The following GRAP2 variants were observed in gnomAD, a reference collection of about 807,000 sequenced individuals.
The protein encoded by GRAP2 is GRB2 related adaptor protein 2.
A neutral mutation model predicts 43.5 loss-of-function variants in GRAP2; 31 were observed. That is an observed-to-expected ratio of 0.71 (90% CI 0.54 to 0.96). The LOEUF (loss-of-function observed/expected upper bound fraction) is 0.96. GRAP2 is among the 40% of genes least tolerant of loss of function. The pLI is 0.00. For missense variants in GRAP2, 371 were observed against 424.4 expected (o/e 0.87, Z 1.11); for synonymous variants, 156 against 164.8 (o/e 0.95, Z 0.41).
At chr22:39,966,813 A>G (rs1319036523) in intron 5 of GRAP2, among the ~76,000 whole-genome samples, 1 of 152,254 alleles carries the variant, frequency 6.6e-6, no homozygotes, top group East Asian at 1.9e-4. Context: ...AGCCAAGTTA[A>G]GAAACCATCT....
rs1465922671 is a variant in GRAP2 at position 39,901,190 on chromosome 22, A to C, written c.-155A>C. The C allele has an allele frequency of 5.6e-6, 4 of 718,542 alleles. No individual in the cohort carries two copies. Among genetic ancestry groups the C allele is most frequent in the Non-Finnish European group, 8.6e-6 (4 of 467,706 alleles). The allele number at this position is 718,542 out of a possible 1,614,324, so 44.5% of individuals were successfully genotyped here. ...CTTGCACCCTCTTTCAGAGTGGTACATGGAAGACAGCACAAAGTGGATCCA... is the reference window on the plus strand; with the variant it reads ...CTTGCACCCTCTTTCAGAGTGGTACCTGGAAGACAGCACAAAGTGGATCCA... On this transcript the variant is annotated 5_prime_UTR_variant, in exon 1 of 8. An upstream start codon of the reference 5' UTR is lost. Coordinates refer to ENST00000344138, the MANE Select transcript of GRAP2 (RefSeq NM_004810.4).
upstream of GRAP2, among the ~76,000 whole-genome samples, chr22:39,896,337 G>A (rs370020587): frequency 6.6e-6 from 1 of 152,052 alleles, no homozygotes; most frequent in Non-Finnish European, 1.5e-5. Flanking sequence ...TTATGGGATC[G>A]GGCTCTGAAT....
intron 2 of GRAP2, among the ~76,000 whole-genome samples, chr22:39,949,765 G>A (rs998160402): frequency 6.6e-6 from 1 of 152,078 alleles, no homozygotes; most frequent in African/African-American, 2.4e-5. Context: ...CAACGTAGAC[G>A]CCCAATAAAT....
chr22:39,930,796 T>C (rs930619661), intron 1 of GRAP2, among the ~76,000 whole-genome samples: 6 of 152,162 alleles, frequency 3.9e-5, no homozygotes, highest in African/African-American at 1.4e-4. Context: ...CAGTCCATGA[T>C]TGAACCAGTT....
At chr22:39,921,496 A>G (rs1373654529) in intron 1 of GRAP2, among the ~76,000 whole-genome samples, 1 of 152,184 alleles carries the variant, frequency 6.6e-6, no homozygotes. Flanking sequence ...TTTGACTTTA[A>G]TCTTTGAAGC....
chr22:39,940,383 G>GTT (rs137987), intron 1 of GRAP2, among the ~76,000 whole-genome samples: 1 of 131,460 alleles, frequency 7.6e-6, no homozygotes. Flanking sequence ...TTTTTTGTTT[G>GTT]TTTTTTTTTT....
At chr22:39,897,668 C>T (rs750860855), upstream of GRAP2, among the ~76,000 whole-genome samples, 30 of 151,954 alleles carry the variant, frequency 2.0e-4, no homozygotes, top group South Asian at 8.3e-4. Flanking sequence ...TACAGGCATG[C>T]GCCACCATGC....
intron 2 of GRAP2, among the ~76,000 whole-genome samples, chr22:39,952,082 A>C (rs914244122): frequency 1.3e-5 from 2 of 148,402 alleles, no homozygotes; most frequent in African/African-American, 5.0e-5. Flanking sequence ...GCTGGAGTGC[A>C]ATGGCGCAAT....
upstream of GRAP2, among the ~76,000 whole-genome samples, chr22:39,897,056 C>T (rs147873059): frequency 2.0e-5 from 3 of 152,302 alleles, no homozygotes; most frequent in Non-Finnish European, 4.4e-5. Context: ...GTAGTGTTAT[C>T]CACTTGCAAA....
chr22:39,901,674 T>G (rs1213927810), intron 1 of GRAP2, among the ~76,000 whole-genome samples: 2 of 152,102 alleles, frequency 1.3e-5, no homozygotes, highest in African/African-American at 4.8e-5. Context: ...TAATCCAAAT[T>G]GGAAGGGATT....
Position 39,968,203 on chromosome 22 carries a change from T to C in GRAP2, c.621T>C (p.Tyr207=), listed in dbSNP as rs772994657. 2.5e-6 allele frequency: 4 copies of C among 1,609,036 alleles called. No individual in the cohort carries two copies. The East Asian group carries it at 8.9e-5, about 36-fold the overall frequency. The change falls in exon 6 of 8, where the codon TAT becomes TAC. Residue 207 remains tyrosine, a synonymous_variant. Transcript: ENST00000344138. The part of the protein sequence containing the change: ...QHQHQPQPPQ[Y]APAPQQLQQP... Reference sequence around the variant, plus strand: ...AGCACCAGCCACAGCCTCCGCAATATGCCCCAGCGCCCCAGCAGCTGCAGC... The same window carrying C: ...AGCACCAGCCACAGCCTCCGCAATACGCCCCAGCGCCCCAGCAGCTGCAGC...
chr22:39,927,919 G>A (rs960490817), intron 1 of GRAP2, among the ~76,000 whole-genome samples: 1 of 152,108 alleles, frequency 6.6e-6, no homozygotes, highest in Non-Finnish European at 1.5e-5. Context: ...TTTCTTACTG[G>A]TACTATGGAT....
intron 1 of GRAP2, among the ~76,000 whole-genome samples, chr22:39,904,759 T>G (rs1349388018): frequency 6.6e-6 from 1 of 152,204 alleles, no homozygotes; most frequent in East Asian, 1.9e-4. Context: ...AAGAATCTAA[T>G]TTTTAAAAAT....
At chr22:39,904,295 C>T (rs779921964) in intron 1 of GRAP2, among the ~76,000 whole-genome samples, 62 of 152,114 alleles carry the variant, frequency 4.1e-4, no homozygotes, top group Middle Eastern at 3.4e-3. Context: ...GACTGAGGCA[C>T]GAGAATTGCT....
At chr22:39,907,715 C>G (rs1367141876) in intron 1 of GRAP2, among the ~76,000 whole-genome samples, 1 of 152,192 alleles carries the variant, frequency 6.6e-6, no homozygotes, top group Non-Finnish European at 1.5e-5. Flanking sequence ...ACACTCCAGC[C>G]TGGGCAACAG....
chr22:39,933,683 A>G lies in GRAP2; in HGVS notation c.-14-13410A>G, dbSNP rs184966167. On this transcript the variant is annotated intron_variant, in intron 1 of 7. Coordinates refer to ENST00000344138, the MANE Select transcript of GRAP2 (RefSeq NM_004810.4). ...TGGTGAAACTCCATCTCTAGTAAAA[A>G]TACAAAAATTAGCCAGGCGTGGTGG... is the stretch of plus-strand genomic sequence containing the variant. 5.1e-3 allele frequency among the ~76,000 whole-genome samples: 781 copies of G among 152,166 alleles called. 1 individual carries two copies. Among genetic ancestry groups the G allele is most frequent in the South Asian group, 0.019 (91 of 4,804 alleles).
intron 1 of GRAP2, among the ~76,000 whole-genome samples, chr22:39,935,112 G>A (rs2066793060): frequency 6.6e-6 from 1 of 152,174 alleles, no homozygotes; most frequent in Non-Finnish European, 1.5e-5. Context: ...CATGAAGGGT[G>A]GTCAAGGACT....
intron 1 of GRAP2, among the ~76,000 whole-genome samples, chr22:39,942,239 A>G (rs1350342055): frequency 6.6e-6 from 1 of 152,152 alleles, no homozygotes; most frequent in Non-Finnish European, 1.5e-5. Context: ...CCTACTTCTG[A>G]AAAGTGATTA....
chr22:39,927,690 A>T (rs969441844), intron 1 of GRAP2, among the ~76,000 whole-genome samples: 2 of 151,972 alleles, frequency 1.3e-5, no homozygotes, highest in East Asian at 3.9e-4. Flanking sequence ...CTCACCCATG[A>T]CTACTTGATA....
Sources: gnomAD v4.1 joint callset for allele counts (sites outside exome capture counted in the v4.1 genomes callset) on GRCh38, gnomAD v4.1.1 for gene constraint, MANE v1.5 for transcripts, NCBI Gene and HGNC (gene_info 2026-07-23, HGNC 2026-07-21) for gene names.